Variants in VAV1 observed in about 807,000 individuals in gnomAD.
VAV1 encodes vav guanine nucleotide exchange factor 1.
In VAV1, 33 loss-of-function variants were observed where a neutral mutation model predicts 128.1. The ratio of observed to expected loss-of-function variants is 0.26; its 90% CI spans 0.20 to 0.34. The LOEUF is 0.34. Among genes scored for constraint, VAV1 ranks in the 10% least tolerant of loss-of-function variants. The probability of loss-of-function intolerance (pLI) is 1.00; values close to 1 mark genes in which losing one functional copy is unlikely to be tolerated. For missense variants in VAV1, 715 were observed against 1,093.7 expected, an observed-to-expected ratio of 0.65 and a Z score of 4.88; for synonymous variants, 394 against 409.8, an observed-to-expected ratio of 0.96 and a Z score of 0.47.
chr19:6,800,792 T>TGTGTGTGTGTG (rs1555699758), intron 1 of VAV1, among the ~76,000 whole-genome samples: 31 of 147,714 alleles, frequency 2.1e-4, no homozygotes, highest in African/African-American at 7.4e-4. Flanking sequence ...TGGCAAATTT[T>TGTGTGTGTGTG]TGTGTGTGTG....
chr19:6,799,665 A>AC (rs1971219726), intron 1 of VAV1, among the ~76,000 whole-genome samples: 6 of 151,808 alleles, frequency 4.0e-5, no homozygotes, highest in Non-Finnish European at 7.4e-5. Flanking sequence ...TGAATTACTG[A>AC]TGGCACTTTT....
At chr19:6,773,087 C>G in intron 1 of VAV1, 76 bp downstream of exon 1, 7 of 1,558,260 alleles carry the variant, frequency 4.5e-6, no homozygotes, top group Non-Finnish European at 6.2e-6. Flanking sequence ...GAGGGGCTGA[C>G]GTGCTGCTCC....
At chr19:6,797,689 G>T (rs1449659962) in intron 1 of VAV1, among the ~76,000 whole-genome samples, 1 of 146,458 alleles carries the variant, frequency 6.8e-6, no homozygotes, top group Admixed American at 6.9e-5. Context: ...GGCAACAAGA[G>T]TGAAAGATCG....
chr19:6,790,201 A>G (rs117483641), intron 1 of VAV1, among the ~76,000 whole-genome samples: 2,685 of 149,916 alleles, frequency 0.018, 29 homozygotes, highest in South Asian at 0.061. Context: ...AATAAAATAA[A>G]TGCTGGGGAG....
At chr19:6,785,362 C>T (rs1970864536) in intron 1 of VAV1, among the ~76,000 whole-genome samples, 2 of 152,008 alleles carry the variant, frequency 1.3e-5, no homozygotes, top group Admixed American at 1.3e-4. Flanking sequence ...AACGGGGTCT[C>T]TGTCTATTGT....
intron 1 of VAV1, among the ~76,000 whole-genome samples, chr19:6,803,995 G>A (rs1003275910): frequency 3.9e-5 from 6 of 152,104 alleles, no homozygotes; most frequent in African/African-American, 1.4e-4. Context: ...CATACTATAT[G>A]ATACCAGCTA....
chr19:6,807,435 G>A (rs1471425190), intron 1 of VAV1, among the ~76,000 whole-genome samples: 1 of 152,136 alleles, frequency 6.6e-6, no homozygotes, highest in Non-Finnish European at 1.5e-5. Context: ...TAACGCTGCA[G>A]CTGATCTGAC....
chr19:6,803,204 C>G lies in VAV1; in HGVS notation c.205-17498C>G, dbSNP rs531909724. ...GCAGTTGCAGAAGTCCTGCTCCTCG[C>G]AGAGCAGGGCTACCCCACAGGCTGT... is the stretch of plus-strand genomic sequence containing the variant. On this transcript the variant is annotated intron_variant, in intron 1 of 26. Transcript: ENST00000602142. Among the ~76,000 whole-genome samples, 205 of 152,350 alleles carry G rather than the reference C, an allele frequency of 1.3e-3. 4 individuals carry two copies. The highest frequency in any genetic ancestry group is 5.3e-4 in the Non-Finnish European group (36 of 68,034).
At chr19:6,842,397 G>C (rs1324484917) in intron 21 of VAV1, among the ~76,000 whole-genome samples, 1 of 152,196 alleles carries the variant, frequency 6.6e-6, no homozygotes, top group African/African-American at 2.4e-5. Flanking sequence ...CAACTCTTCA[G>C]CTCCGCCCCT....
chr19:6,783,538 G>C (rs997224861), intron 1 of VAV1, among the ~76,000 whole-genome samples: 2 of 149,088 alleles, frequency 1.3e-5, no homozygotes, highest in African/African-American at 5.0e-5. Context: ...GCAATGGCGC[G>C]ATCTCTGTTC....
rs1241620111 is a variant in VAV1 at position 6,857,151 on chromosome 19, G to T, written c.*44G>T. ...AGAGACGAGAAACTCCAGGCTCTGA[G>T]CCCGGCGTGGGCAGGCAGCGGAGCC... On this transcript the variant is annotated 3_prime_UTR_variant, in exon 27 of 27. Transcript: ENST00000602142. 1 of 1,612,814 alleles carries T rather than the reference G, an allele frequency of 6.2e-7. No individual in the cohort carries two copies. The highest frequency in any genetic ancestry group is 2.2e-5 in the East Asian group (1 of 44,878).
chr19:6,783,645 G>A (rs919053979), intron 1 of VAV1, among the ~76,000 whole-genome samples: 1 of 151,966 alleles, frequency 6.6e-6, no homozygotes, highest in African/African-American at 2.4e-5. Flanking sequence ...ATCACACCTG[G>A]CTAATTTTGT....
intron 9 of VAV1, chr19:6,827,014 T>C: frequency 5.6e-6 from 2 of 357,958 alleles, no homozygotes; most frequent in Non-Finnish European, 1.1e-5. Flanking sequence ...GTACCCCAAG[T>C]CGGGCTGAGC....
At chr19:6,804,940 G>C (rs527495754) in intron 1 of VAV1, among the ~76,000 whole-genome samples, 1 of 151,088 alleles carries the variant, frequency 6.6e-6, no homozygotes, top group South Asian at 2.1e-4. Flanking sequence ...AGCCAGGATG[G>C]TCTCGATTGC....
chr19:6,801,181 T>C (rs1971259798), intron 1 of VAV1, among the ~76,000 whole-genome samples: 3 of 152,226 alleles, frequency 2.0e-5, no homozygotes, highest in Non-Finnish European at 2.9e-5. Context: ...TGGCATACAG[T>C]AGGCATTCCA....
chr19:6,827,273 G>T (rs896748816), intron 9 of VAV1, among the ~76,000 whole-genome samples: 2 of 151,538 alleles, frequency 1.3e-5, no homozygotes, highest in Non-Finnish European at 2.9e-5. Flanking sequence ...GTTTTGTTTT[G>T]TTTTGTTTTT....
intron 1 of VAV1, among the ~76,000 whole-genome samples, chr19:6,809,416 T>C (rs1251152550): frequency 1.3e-5 from 2 of 152,178 alleles, no homozygotes; most frequent in Admixed American, 6.6e-5. Flanking sequence ...AAAGTATTTG[T>C]AATCTACCAC....
chr19:6,778,254 AG>A (rs1291841492), intron 1 of VAV1, among the ~76,000 whole-genome samples: 1 of 152,174 alleles, frequency 6.6e-6, no homozygotes, highest in Admixed American at 6.6e-5. Flanking sequence ...GTGCTCTTGA[AG>A]TCCAAAATCT....
intron 19 of VAV1, among the ~76,000 whole-genome samples, chr19:6,835,462 A>G (rs1972197767): frequency 6.6e-6 from 1 of 152,190 alleles, no homozygotes; most frequent in Non-Finnish European, 1.5e-5. Flanking sequence ...GAAGTTCTCA[A>G]TAATGGCCTG....
Sources: gnomAD v4.1 joint callset for allele counts (sites outside exome capture counted in the v4.1 genomes callset) on GRCh38, gnomAD v4.1.1 for gene constraint, MANE v1.5 for transcripts, NCBI Gene and HGNC (gene_info 2026-07-23, HGNC 2026-07-21) for gene names.